Variants in TYR observed in about 807,000 individuals in gnomAD.
The protein encoded by TYR is tyrosinase, also known as LB24-AB.
In TYR, 58 loss-of-function variants were observed where a neutral mutation model predicts 51.5. The ratio of observed to expected loss-of-function variants is 1.13; its 90% confidence interval spans 0.91 to 1.40. The LOEUF is 1.40. Ranked by LOEUF, TYR falls within the 40% of genes most tolerant of loss-of-function variation. The pLI, the probability that TYR is intolerant of heterozygous loss-of-function variation, is 0.00. For synonymous variants in TYR, 263 were observed against 235.2 expected, an observed-to-expected ratio of 1.12 and a Z score of -1.08; for missense variants, 732 against 647.4, an observed-to-expected ratio of 1.13 and a Z score of -1.42.
At chr11:89,270,336 G>A (rs1437317114) in intron 3 of TYR, among the ~76,000 whole-genome samples, 4 of 151,680 alleles carry the variant, frequency 2.6e-5, no homozygotes, top group Non-Finnish European at 5.9e-5. Flanking sequence ...CACCTTGACC[G>A]ACACCACTCA....
chr11:89,241,838 T>G (rs1255640473), intron 3 of TYR, among the ~76,000 whole-genome samples: 1 of 148,302 alleles, frequency 6.7e-6, no homozygotes, highest in Non-Finnish European at 1.5e-5. Flanking sequence ...CATATATATA[T>G]TTCATATTAA....
At chr11:89,251,021 A>T (rs908845883) in intron 3 of TYR, among the ~76,000 whole-genome samples, 12 of 151,818 alleles carry the variant, frequency 7.9e-5, no homozygotes, top group Middle Eastern at 3.2e-3. Flanking sequence ...GTATTTTAGA[A>T]TTTTTTTTAT....
At chr11:89,224,927 C>T (rs545420913) in intron 2 of TYR, among the ~76,000 whole-genome samples, 1 of 113,616 alleles carries the variant, frequency 8.8e-6, no homozygotes, top group Non-Finnish European at 1.7e-5. Context: ...ATTGTAAAAA[C>T]TATTTTTTTT....
chr11:89,278,095 A>T (rs1000816857), intron 3 of TYR, among the ~76,000 whole-genome samples: 5 of 151,660 alleles, frequency 3.3e-5, no homozygotes, highest in African/African-American at 1.2e-4. Flanking sequence ...TAATTCCTTG[A>T]ATTTGTCGCA....
intron 3 of TYR, among the ~76,000 whole-genome samples, chr11:89,237,031 G>A (rs1306419924): frequency 2.6e-5 from 4 of 152,000 alleles, no homozygotes. Context: ...TACACGTCAG[G>A]GCTTTTATTC....
intron 3 of TYR, among the ~76,000 whole-genome samples, chr11:89,262,260 T>C (rs1476061599): frequency 1.3e-5 from 2 of 152,092 alleles, no homozygotes; most frequent in South Asian, 2.1e-4. Context: ...GGTTTCACCA[T>C]GTTGGTCAGG....
chr11:89,191,431 T>G lies in TYR; in HGVS notation c.1036+13T>G. ...AATACACTGGAAGGTAATCTCTTTC[T>G]TTTCACTTTTAATTTTTTTTCTGAA... is the stretch of plus-strand genomic sequence containing the variant. On this transcript the variant is annotated intron_variant, in intron 2 of 4. Coordinates refer to ENST00000263321, the MANE Select transcript of TYR (RefSeq NM_000372.5). The G allele has an allele frequency of 6.2e-7, 1 of 1,610,056 alleles. No individual in the cohort carries two copies. The highest frequency in any genetic ancestry group is 1.7e-5 in the Admixed American group (1 of 59,864).
intron 1 of TYR, among the ~76,000 whole-genome samples, chr11:89,182,452 G>C (rs992011095): frequency 2.0e-5 from 3 of 152,034 alleles, no homozygotes; most frequent in African/African-American, 7.2e-5. Flanking sequence ...CGTTCTCTCT[G>C]GTAGTTCCAT....
intron 2 of TYR, chr11:89,200,359 G>C (rs1320705855): frequency 6.6e-6 from 1 of 152,280 alleles, no homozygotes; most frequent in South Asian, 2.1e-4. Flanking sequence ...TTACAGGCTT[G>C]AGCCACCACA....
intron 3 of TYR, among the ~76,000 whole-genome samples, chr11:89,271,265 T>A (rs543904330): frequency 6.6e-6 from 1 of 152,002 alleles, no homozygotes; most frequent in South Asian, 2.1e-4. Context: ...TCTTAGGGCT[T>A]CCATAATACA....
At chr11:89,224,092 T>C (rs1591166005) in intron 2 of TYR, among the ~76,000 whole-genome samples, 1 of 152,124 alleles carries the variant, frequency 6.6e-6, no homozygotes, top group East Asian at 1.9e-4. Context: ...GGCAGGTTTC[T>C]ACAGAACAAT....
intron 3 of TYR, among the ~76,000 whole-genome samples, chr11:89,240,867 T>C (rs1248848098): frequency 2.6e-5 from 4 of 152,178 alleles, no homozygotes. Flanking sequence ...TAGTTAAAAT[T>C]ATTTTTCTCC....
At chr11:89,211,966 A>T (rs890203128) in intron 2 of TYR, among the ~76,000 whole-genome samples, 2 of 152,240 alleles carry the variant, frequency 1.3e-5, no homozygotes, top group African/African-American at 4.8e-5. Context: ...GGAGAAATTT[A>T]TAGCACTAAA....
intron 4 of TYR, among the ~76,000 whole-genome samples, chr11:89,292,593 G>T (rs547714521): frequency 6.6e-5 from 10 of 151,984 alleles, no homozygotes; most frequent in Non-Finnish European, 1.2e-4. Context: ...TAAAACGATT[G>T]ACCACTATTC....
intron 3 of TYR, among the ~76,000 whole-genome samples, chr11:89,248,625 A>G (rs2135297560): frequency 6.6e-6 from 1 of 152,358 alleles, no homozygotes; most frequent in South Asian, 2.1e-4. Context: ...GCAGAGATCA[A>G]TAGAGCCCTA....
At chr11:89,215,635 A>T (rs1943822613) in intron 2 of TYR, among the ~76,000 whole-genome samples, 1 of 151,876 alleles carries the variant, frequency 6.6e-6, no homozygotes, top group Non-Finnish European at 1.5e-5. Context: ...TTTTAACTTA[A>T]AATTTTTTAT....
At chr11:89,221,517 G>GT (rs1324340222) in intron 2 of TYR, among the ~76,000 whole-genome samples, 2 of 152,134 alleles carry the variant, frequency 1.3e-5, no homozygotes, top group Non-Finnish European at 2.9e-5. Flanking sequence ...ATCCAAAAAT[G>GT]TTTTTTGATC....
chr11:89,251,048 C>T (rs552319127), intron 3 of TYR, among the ~76,000 whole-genome samples: 88 of 151,844 alleles, frequency 5.8e-4, no homozygotes, highest in African/African-American at 2.1e-3. Context: ...ATACAGGTGA[C>T]TGAATCTATA....
At chr11:89,222,042 T>A (rs1943918953) in intron 2 of TYR, among the ~76,000 whole-genome samples, 1 of 152,220 alleles carries the variant, frequency 6.6e-6, no homozygotes. Flanking sequence ...AAATCATAAT[T>A]TTCAAAGGAA....
Sources: allele counts gnomAD v4.1 joint callset (sites outside exome capture counted in the v4.1 genomes callset), GRCh38; gene constraint gnomAD v4.1.1; transcripts MANE v1.5; gene names NCBI Gene and HGNC (gene_info 2026-07-23, HGNC 2026-07-21).